EYS: variants seen among roughly 807,000 people sequenced by gnomAD.
EYS encodes protein eyes shut homolog.
A neutral mutation model predicts 282.1 loss-of-function variants in EYS; 250 were observed. The observed-to-expected ratio is 0.89, with a 90% CI of 0.80 to 0.98. The LOEUF (loss-of-function observed/expected upper bound fraction) is 0.98. Ranked by LOEUF, EYS falls within the 50% of genes least tolerant of loss-of-function variation. The pLI is 0.00. For missense variants in EYS, 4,016 were observed against 3,709.0 expected, an observed-to-expected ratio of 1.08 and a Z score of -2.15; for synonymous variants, 1,355 against 1,282.9, an observed-to-expected ratio of 1.06 and a Z score of -1.20.
chr6:64,222,660 A>T (rs985386589), intron 31 of EYS, among the ~76,000 whole-genome samples: 1 of 152,060 alleles, frequency 6.6e-6, no homozygotes, highest in Non-Finnish European at 1.5e-5. Flanking sequence ...TGACATTGAG[A>T]TTCTCAACTA....
At chr6:65,611,161 G>T (rs1210665376) in intron 2 of EYS, among the ~76,000 whole-genome samples, 2 of 147,456 alleles carry the variant, frequency 1.4e-5, no homozygotes, top group Non-Finnish European at 3.0e-5. Flanking sequence ...TAACCGTGTG[G>T]GTATAATTAG....
intron 13 of EYS, among the ~76,000 whole-genome samples, chr6:65,039,283 T>A (rs1156307123): frequency 6.6e-6 from 1 of 151,596 alleles, no homozygotes; most frequent in East Asian, 1.9e-4. Flanking sequence ...CTTATTGAAT[T>A]GCTTTGGATA....
At chr6:64,641,828 G>A (rs1205947522) in intron 22 of EYS, among the ~76,000 whole-genome samples, 1 of 152,162 alleles carries the variant, frequency 6.6e-6, no homozygotes, top group Non-Finnish European at 1.5e-5. Flanking sequence ...ACCCTATTGT[G>A]AACCTCATAT....
chr6:64,196,008 A>T (rs1222652927), intron 31 of EYS, among the ~76,000 whole-genome samples: 2 of 152,222 alleles, frequency 1.3e-5, no homozygotes, highest in African/African-American at 4.8e-5. Context: ...ACAAAGGGCT[A>T]ATATCCAGAA....
chr6:63,723,731 T>C (rs1333201700), intron 42 of EYS, among the ~76,000 whole-genome samples: 1 of 151,676 alleles, frequency 6.6e-6, no homozygotes, highest in Non-Finnish European at 1.5e-5. Context: ...CATAGACTTT[T>C]AAATTTCATT....
At chr6:65,578,608 A>T (rs1355373579) in intron 2 of EYS, among the ~76,000 whole-genome samples, 2 of 151,628 alleles carry the variant, frequency 1.3e-5, no homozygotes, top group African/African-American at 2.4e-5. Flanking sequence ...TCTCAGTATT[A>T]AAAAAAATGA....
chr6:65,544,201 T>C lies in EYS; in HGVS notation c.-332-48208A>G, dbSNP rs147595551. 4.9e-3 allele frequency among the ~76,000 whole-genome samples: 753 copies of C among 152,294 alleles called. 2 individuals are homozygous for C. Among genetic ancestry groups the C allele is most frequent in the African/African-American group, 0.016 (683 of 41,560 alleles). On this transcript the variant is annotated intron_variant, in intron 2 of 42. Coordinates refer to ENST00000503581, the MANE Select transcript of EYS (RefSeq NM_001142800.2). The stretch of plus-strand genomic sequence containing the variant: ...GGATGTTGTTTGTCATTGCACTTTG[T>C]ATTTTATAGCAGTAGCTCATTACTC...
At chr6:64,310,530 G>C (rs1016005464) in intron 29 of EYS, among the ~76,000 whole-genome samples, 7 of 152,188 alleles carry the variant, frequency 4.6e-5, no homozygotes, top group Admixed American at 1.3e-4. Flanking sequence ...GCTAAAGGAT[G>C]AGAATAGCTG....
chr6:64,654,745 C>A (rs762813210), intron 22 of EYS, among the ~76,000 whole-genome samples: 2 of 152,114 alleles, frequency 1.3e-5, no homozygotes, highest in Non-Finnish European at 2.9e-5. Flanking sequence ...TTTTCTGTCA[C>A]GAATAAATCT....
At chr6:64,170,248 T>G (rs1232691411) in intron 31 of EYS, among the ~76,000 whole-genome samples, 1 of 152,196 alleles carries the variant, frequency 6.6e-6, no homozygotes, top group East Asian at 1.9e-4. Context: ...AAAATCTTGA[T>G]TAAGGAAGCT....
At chr6:64,612,936 C>T (rs1260839136) in intron 24 of EYS, among the ~76,000 whole-genome samples, 1 of 152,004 alleles carries the variant, frequency 6.6e-6, no homozygotes, top group African/African-American at 2.4e-5. Flanking sequence ...GAGGGAAGTT[C>T]AGGTGAACAT....
intron 2 of EYS, among the ~76,000 whole-genome samples, chr6:65,574,544 A>G (rs949951640): frequency 1.3e-5 from 2 of 152,216 alleles, no homozygotes; most frequent in African/African-American, 4.8e-5. Context: ...GAAGGGCAAT[A>G]TATAATGATA....
At chr6:64,426,517 T>C (rs1774413213) in intron 28 of EYS, among the ~76,000 whole-genome samples, 1 of 152,154 alleles carries the variant, frequency 6.6e-6, no homozygotes, top group South Asian at 2.1e-4. Context: ...AGGTGCTGTG[T>C]TGCAGCTGAG....
At chr6:64,828,055 T>A (rs369372016) in intron 19 of EYS, among the ~76,000 whole-genome samples, 2 of 151,852 alleles carry the variant, frequency 1.3e-5, no homozygotes, top group South Asian at 2.1e-4. Context: ...ATGAGGAATA[T>A]CAAAAGAGAT....
At chr6:65,004,675 G>T (rs79073881) in intron 13 of EYS, among the ~76,000 whole-genome samples, 1,486 of 147,728 alleles carry the variant, frequency 0.01, 53 homozygotes, top group African/African-American at 0.034. Flanking sequence ...GAATCAAAGT[G>T]CCAATGCTTA....
intron 18 of EYS, among the ~76,000 whole-genome samples, chr6:64,887,721 T>A (rs923856552): frequency 6.6e-6 from 1 of 152,058 alleles, no homozygotes; most frequent in African/African-American, 2.4e-5. Flanking sequence ...CGCCAGACAT[T>A]AGTCATGTAC....
In EYS at chr6:64,591,024, T is replaced by C. The variant is rs566502407; in HGVS notation, c.4843A>G (p.Thr1615Ala). The change falls in exon 26 of 43, where the codon ACT (threonine) becomes GCT (alanine). Residue 1615 changes from threonine (T) to alanine (A), a missense_variant. Coordinates refer to ENST00000503581, the MANE Select transcript of EYS (RefSeq NM_001142800.2). ...AATGCCACTGATGGTGTTATTTCAG[T>C]AGCAGAAGAAAATGAATGCCCAGAA... The part of the protein sequence containing the change: ...ITSGHSFSSA[T>A]EITPSVAFTE... 15 of 1,551,362 alleles carry C rather than the reference T, an allele frequency of 9.7e-6. No homozygotes were observed. Among genetic ancestry groups the C allele is most frequent in the Non-Finnish European group, 1.3e-5 (15 of 1,146,776 alleles).
chr6:64,539,596 A>C (rs1310675045), intron 26 of EYS, among the ~76,000 whole-genome samples: 1 of 151,982 alleles, frequency 6.6e-6, no homozygotes, highest in Admixed American at 6.6e-5. Context: ...ACAAAACAAA[A>C]AATGGAATCT....
At chr6:65,556,069 C>T (rs948800686) in intron 2 of EYS, among the ~76,000 whole-genome samples, 2 of 152,116 alleles carry the variant, frequency 1.3e-5, no homozygotes, top group Non-Finnish European at 1.5e-5. Flanking sequence ...GGTCCTTCTG[C>T]ATATTGTTGC....
Sources: gnomAD v4.1 joint callset for allele counts (sites outside exome capture counted in the v4.1 genomes callset) on GRCh38, gnomAD v4.1.1 for gene constraint, MANE v1.5 for transcripts, NCBI Gene and HGNC (gene_info 2026-07-23, HGNC 2026-07-21) for gene names.